Variants in PON2 observed in about 807,000 individuals in gnomAD.
PON2 encodes paraoxonase 2, also known as serum paraoxonase/arylesterase 2.
PON2 carries 27 observed loss-of-function variants against 36.6 expected under a neutral mutation model. The observed-to-expected ratio is 0.74, with a 90% CI of 0.54 to 1.02. PON2 has a LOEUF of 1.02. PON2 is among the 50% of genes least tolerant of loss of function. The pLI is 0.00. For missense variants in PON2, 363 were observed against 421.1 expected (o/e 0.86, Z 1.21); for synonymous variants, 149 against 156.3 (o/e 0.95, Z 0.35).
intron 2 of PON2, chr7:95,418,529 T>C (rs888289462): frequency 2.0e-5 from 3 of 152,226 alleles, no homozygotes; most frequent in Non-Finnish European, 2.9e-5. Context: ...ATATGTTGTC[T>C]TTTTCCCCTG....
intron 3 of PON2, 107 bp from the exon 4 acceptor site, chr7:95,412,584 G>T: frequency 3.4e-6 from 4 of 1,185,694 alleles, no homozygotes; most frequent in Non-Finnish European, 4.9e-6. Context: ...TAAAGTAGTG[G>T]CATAAAGCCA....
At chr7:95,409,766 G>A (rs563809865) in intron 6 of PON2, 135 bp downstream of exon 6, 1 of 397,234 alleles carries the variant, frequency 2.5e-6, no homozygotes, top group East Asian at 5.1e-5. Flanking sequence ...TATATATAGT[G>A]TATCTATATA....
At chr7:95,423,456 A>C (rs2116493732) in intron 2 of PON2, among the ~76,000 whole-genome samples, 1 of 152,272 alleles carries the variant, frequency 6.6e-6, no homozygotes, top group South Asian at 2.1e-4. Context: ...AAAGACAGCA[A>C]GACACAGACT....
intron 2 of PON2, among the ~76,000 whole-genome samples, chr7:95,420,515 C>T (rs1789167331): frequency 6.6e-6 from 1 of 152,088 alleles, no homozygotes; most frequent in African/African-American, 2.4e-5. Flanking sequence ...ATTTTCTGAC[C>T]CACAGAAGGC....
chr7:95,410,955 T>C (rs771049636), intron 5 of PON2, among the ~76,000 whole-genome samples: 12 of 152,128 alleles, frequency 7.9e-5, no homozygotes, highest in Non-Finnish European at 1.3e-4. Context: ...TAGATAGGCA[T>C]AGATAGGCCC....
intron 5 of PON2, 52 bp downstream of exon 5, chr7:95,411,601 T>C (rs2116462566): frequency 6.2e-7 from 1 of 1,607,432 alleles, no homozygotes; most frequent in African/African-American, 1.3e-5. Flanking sequence ...ACCATAGGGA[T>C]TGTTTGCAAA....
rs569946770 is a variant in PON2, at chr7:95,426,383, T to C, written c.75-1798A>G. On this transcript the variant is annotated intron_variant, in intron 1 of 8. Transcript: ENST00000222572. ...GGAAATAAATAATAAAAAAGTATAATTTACCGCTGTTCTAAGTGATTTACC... is the reference window on the plus strand; with the variant it reads ...GGAAATAAATAATAAAAAAGTATAACTTACCGCTGTTCTAAGTGATTTACC... Among the ~76,000 whole-genome samples the C allele has an allele frequency of 2.9e-4, 44 of 152,306 alleles. No individual in the cohort carries two copies. In the South Asian group the frequency reaches 3.1e-3, roughly 11 times the overall value.
intron 2 of PON2, among the ~76,000 whole-genome samples, chr7:95,417,837 A>G (rs916498336): frequency 2.0e-5 from 3 of 147,962 alleles, no homozygotes; most frequent in Non-Finnish European, 4.5e-5. Flanking sequence ...ATTTCCAAGT[A>G]TACACGTGGA....
At chr7:95,429,606 G>A (rs538516739) in intron 1 of PON2, among the ~76,000 whole-genome samples, 18 of 152,296 alleles carry the variant, frequency 1.2e-4, no homozygotes, top group African/African-American at 4.1e-4. Flanking sequence ...TGGCCTCATG[G>A]CAGGTAGCAG....
intron 2 of PON2, among the ~76,000 whole-genome samples, chr7:95,422,382 G>T (rs1037617833): frequency 6.6e-6 from 1 of 152,148 alleles, no homozygotes; most frequent in African/African-American, 2.4e-5. Flanking sequence ...GTGATGAAGA[G>T]TTTGATGAGA....
chr7:95,424,398 C>G, intron 2 of PON2, 117 bp downstream of exon 2: 1 of 826,220 alleles, frequency 1.2e-6, no homozygotes, highest in African/African-American at 1.7e-5. Context: ...TTTTGTTGAT[C>G]TAATGTGATT....
chr7:95,414,054 T>C (rs1261592726), intron 3 of PON2, among the ~76,000 whole-genome samples: 1 of 152,256 alleles, frequency 6.6e-6, no homozygotes, highest in Non-Finnish European at 1.5e-5. Flanking sequence ...AATTTATTTT[T>C]AATTATGATA....
In PON2 at chr7:95,406,135, T is replaced by C. The variant is rs773991473; in HGVS notation, c.890A>G (p.Asn297Ser). 4 of 1,613,664 alleles carry C rather than the reference T, an allele frequency of 2.5e-6. No homozygotes were observed. The highest frequency in any genetic ancestry group is 1.7e-5 in the Admixed American group (1 of 59,978). ...TATAAAAACCTCTGACGAGGGAGGA[T>C]TGTTCGGGTCATACACGAAGAGCTT... is the stretch of plus-strand genomic sequence containing the variant. The part of the protein sequence containing the change: ...GQKLFVYDPN[N>S]PPSSEVLRIQ... Residue 297 changes from asparagine (N) to serine (S), a missense_variant, in exon 8 of 9, where the codon AAT (asparagine) becomes AGT (serine). Physicochemically the swap from Asn to Ser is conservative, Grantham distance 46. Transcript: ENST00000222572.
At position 95,416,300 on chromosome 7, in the gene PON2, G is replaced by T; in HGVS notation, c.146-3C>A. Reference sequence around the variant, plus strand: ...GTCAATATCTTCAGAGCCAGCTTCTGTAAGTTTAAGGAACAGATAAATGTC... The same window carrying T: ...GTCAATATCTTCAGAGCCAGCTTCTTTAAGTTTAAGGAACAGATAAATGTC... On this transcript the variant is annotated splice_region_variant and splice_polypyrimidine_tract_variant and intron_variant, in intron 2 of 8. Transcript: ENST00000222572. The T allele has an allele frequency of 6.2e-7, 1 of 1,613,574 alleles. No individual in the cohort carries two copies. The highest frequency in any genetic ancestry group is 8.5e-7 in the Non-Finnish European group (1 of 1,179,536).
At chr7:95,418,683 T>C (rs1389423473) in intron 2 of PON2, among the ~76,000 whole-genome samples, 3 of 152,234 alleles carry the variant, frequency 2.0e-5, no homozygotes, top group African/African-American at 7.2e-5. Flanking sequence ...TCTTTACTTT[T>C]TTTATTCTAG....
chr7:95,410,143 G>A (rs1788887117), intron 5 of PON2, 42 bp from the exon 6 acceptor site: 1 of 1,478,708 alleles, frequency 6.8e-7, no homozygotes, highest in Non-Finnish European at 9.4e-7. Context: ...CAAAAGGCCT[G>A]TTGGTCTCCA....
At chr7:95,417,727 C>CACACACACACACACACACACACA (rs1562788872) in intron 2 of PON2, among the ~76,000 whole-genome samples, 1 of 80,212 alleles carries the variant, frequency 1.2e-5, no homozygotes, top group African/African-American at 5.4e-5. Flanking sequence ...ACACACACAC[C>CACACACACACACACACACACACA]GAGAGAGAAT....
intron 1 of PON2, among the ~76,000 whole-genome samples, chr7:95,430,255 A>C (rs1789405982): frequency 6.6e-6 from 1 of 151,992 alleles, no homozygotes; most frequent in Non-Finnish European, 1.5e-5. Context: ...ACTTATGGCT[A>C]GAAGTTTGAG....
At chr7:95,430,318 T>G (rs1046432648) in intron 1 of PON2, among the ~76,000 whole-genome samples, 49 of 142,160 alleles carry the variant, frequency 3.4e-4, no homozygotes, top group Non-Finnish European at 4.8e-4. Flanking sequence ...AATTTTTTTG[T>G]TTTTTTTTTT....
Sources: gnomAD v4.1 joint callset for allele counts (sites outside exome capture counted in the v4.1 genomes callset) on GRCh38, gnomAD v4.1.1 for gene constraint, MANE v1.5 for transcripts, NCBI Gene and HGNC (gene_info 2026-07-23, HGNC 2026-07-21) for gene names.